RANBP2: variants seen among roughly 807,000 people sequenced by gnomAD.
RANBP2 encodes the protein E3 SUMO-protein ligase RanBP2.
A neutral mutation model predicts 303.6 loss-of-function variants in RANBP2; 57 were observed. The observed-to-expected ratio is 0.19, with a 90% CI of 0.15 to 0.23. The LOEUF is 0.23. Among genes scored for constraint, RANBP2 ranks in the 10% least tolerant of loss-of-function variants. The probability of loss-of-function intolerance (pLI) is 1.00; values close to 1 mark genes in which losing one functional copy is unlikely to be tolerated. For synonymous variants in RANBP2, 1,167 were observed against 1,301.5 expected (o/e 0.90, Z 2.23); for missense variants, 3,138 against 3,780.8 (o/e 0.83, Z 4.46).
chr2:109,702,704 A>G, the RANBP2 span, among the ~76,000 whole-genome samples: 4 of 151,966 alleles, frequency 2.6e-5, no homozygotes, highest in African/African-American at 9.7e-5. Flanking sequence ...GAGGGTTTGT[A>G]TTGATGGGAG....
the RANBP2 span, among the ~76,000 whole-genome samples, chr2:109,547,090 C>T: frequency 6.6e-6 from 1 of 152,144 alleles, no homozygotes; most frequent in African/African-American, 2.4e-5. Flanking sequence ...AGGTTAACCA[C>T]CAAAGACAAC....
chr2:109,179,221 C>T, the RANBP2 span, among the ~76,000 whole-genome samples: 2 of 152,168 alleles, frequency 1.3e-5, no homozygotes, highest in Non-Finnish European at 1.5e-5. Flanking sequence ...TTAGGTTCTA[C>T]TTCCTGTTCT....
At chr2:109,576,534 A>T in the RANBP2 span, among the ~76,000 whole-genome samples, 138 of 152,326 alleles carry the variant, frequency 9.1e-4, no homozygotes, top group African/African-American at 3.3e-3. Context: ...AAGTGGTCTA[A>T]ATGTGACCCA....
At chr2:109,181,189 C>T in the RANBP2 span, among the ~76,000 whole-genome samples, 1 of 152,080 alleles carries the variant, frequency 6.6e-6, no homozygotes, top group African/African-American at 2.4e-5. Flanking sequence ...TCAAATAAAC[C>T]TGTTATTTGG....
At chr2:108,924,261 G>A in the RANBP2 span, among the ~76,000 whole-genome samples, 1 of 152,184 alleles carries the variant, frequency 6.6e-6, no homozygotes, top group African/African-American at 2.4e-5. Flanking sequence ...CTGCTCTCAG[G>A]GGTCTGCCCT....
the RANBP2 span, among the ~76,000 whole-genome samples, chr2:108,973,498 C>T: frequency 2.6e-5 from 4 of 152,264 alleles, no homozygotes; most frequent in East Asian, 7.7e-4. Context: ...CTGAGGATGC[C>T]AAGGGCCTGA....
the RANBP2 span, among the ~76,000 whole-genome samples, chr2:109,591,637 C>T: frequency 2.6e-5 from 4 of 152,222 alleles, no homozygotes; most frequent in Admixed American, 6.5e-5. Context: ...TGGCTCACGT[C>T]TGTAATCCAA....
the RANBP2 span, among the ~76,000 whole-genome samples, chr2:109,108,601 A>T: frequency 6.6e-6 from 1 of 152,190 alleles, no homozygotes; most frequent in Non-Finnish European, 1.5e-5. Context: ...CTGCCTTCCA[A>T]AGTGTGCTCA....
the RANBP2 span, among the ~76,000 whole-genome samples, chr2:109,714,254 T>TTGTG: frequency 3.1e-3 from 471 of 149,532 alleles, 4 homozygotes; most frequent in African/African-American, 7.4e-3. Context: ...CCTGGCTAAT[T>TTGTG]TGTGTGTGTG....
the RANBP2 span, among the ~76,000 whole-genome samples, chr2:108,893,802 A>T: frequency 1.3e-5 from 2 of 152,056 alleles, no homozygotes; most frequent in Non-Finnish European, 2.9e-5. Flanking sequence ...CACCACCCTT[A>T]TTATCCTTGT....
the RANBP2 span, among the ~76,000 whole-genome samples, chr2:109,149,729 G>T: frequency 6.6e-6 from 1 of 152,204 alleles, no homozygotes; most frequent in Non-Finnish European, 1.5e-5. Context: ...TCTAATTGGT[G>T]CCATGGGGGC....
chr2:108,843,915 G>A, the RANBP2 span, among the ~76,000 whole-genome samples: 3,024 of 113,952 alleles, frequency 0.027, 138 homozygotes, highest in African/African-American at 0.091. Flanking sequence ...TTTTGAGACA[G>A]GGTCTTGCTC....
the RANBP2 span, among the ~76,000 whole-genome samples, chr2:109,426,081 A>T: frequency 1.3e-5 from 2 of 152,036 alleles, no homozygotes; most frequent in Non-Finnish European, 2.9e-5. Flanking sequence ...TATATTGTAT[A>T]TTTTTTTAGT....
At chr2:109,680,238 A>G in the RANBP2 span, among the ~76,000 whole-genome samples, 1 of 151,192 alleles carries the variant, frequency 6.6e-6, no homozygotes. Flanking sequence ...CTGTAGTCCC[A>G]GCTACTTGGG....
the RANBP2 span, chr2:108,846,681 A>G: frequency 2.6e-5 from 39 of 1,481,224 alleles, no homozygotes; most frequent in Middle Eastern, 2.3e-4. Context: ...TGTCTCAAAA[A>G]AAAAGATATA....
the RANBP2 span, among the ~76,000 whole-genome samples, chr2:109,645,862 CCA>C: frequency 6.6e-6 from 1 of 152,126 alleles, no homozygotes; most frequent in Non-Finnish European, 1.5e-5. Flanking sequence ...TGGCTGTCTC[CCA>C]CATACTGGCT....
the RANBP2 span, among the ~76,000 whole-genome samples, chr2:109,569,629 T>C: frequency 3.3e-5 from 5 of 152,192 alleles, no homozygotes; most frequent in Admixed American, 1.3e-4. Flanking sequence ...ACAACTTTCC[T>C]GTTAAATTAG....
chr2:108,978,764 A>C, the RANBP2 span, among the ~76,000 whole-genome samples: 9 of 152,324 alleles, frequency 5.9e-5, no homozygotes, highest in African/African-American at 1.9e-4. Context: ...GAGACAGTCT[A>C]TCGGTAAGCT....
the RANBP2 span, among the ~76,000 whole-genome samples, chr2:108,880,992 T>C: frequency 6.6e-6 from 1 of 152,224 alleles, no homozygotes; most frequent in African/African-American, 2.4e-5. Flanking sequence ...AAAGAGTTGA[T>C]TCCAATACTC....
Sources: gnomAD v4.1 joint callset for allele counts (sites outside exome capture counted in the v4.1 genomes callset) on GRCh38, gnomAD v4.1.1 for gene constraint, MANE v1.5 for transcripts, NCBI Gene and HGNC (gene_info 2026-07-23, HGNC 2026-07-21) for gene names.